The following FBXO46 variants were observed in gnomAD, a reference collection of about 807,000 sequenced individuals.
The protein encoded by FBXO46 is F-box only protein 46.
FBXO46 carries 13 observed loss-of-function variants against 30.7 expected under a neutral mutation model. That is an observed-to-expected ratio of 0.42 (90% CI 0.28 to 0.67). The LOEUF (loss-of-function observed/expected upper bound fraction) is 0.67. Ranked by LOEUF, FBXO46 falls within the 30% of genes least tolerant of loss-of-function variation. The pLI is 0.21. For missense variants in FBXO46, 754 were observed against 871.5 expected (o/e 0.87, Z 1.70); for synonymous variants, 467 against 385.8 (o/e 1.21, Z -2.47).
At chr19:45,717,276 C>T (rs956822733) in intron 1 of FBXO46, 1 of 152,172 alleles carries the variant, frequency 6.6e-6, no homozygotes, top group South Asian at 2.1e-4. Context: ...CGCAGCCCCC[C>T]CAGGCGGCGG....
chr19:45,719,673 T>C (rs1296115398), intron 1 of FBXO46, among the ~76,000 whole-genome samples: 1 of 152,210 alleles, frequency 6.6e-6, no homozygotes, highest in Non-Finnish European at 1.5e-5. Context: ...CATGGTGCAT[T>C]TGCAAAAACT....
intron 1 of FBXO46, among the ~76,000 whole-genome samples, chr19:45,721,517 T>G (rs1968170158): frequency 7.1e-6 from 1 of 140,884 alleles, no homozygotes. Flanking sequence ...TGGGAATTGG[T>G]GGCAGGACAC....
intron 1 of FBXO46, among the ~76,000 whole-genome samples, chr19:45,721,959 G>C (rs1301918832): frequency 6.6e-6 from 1 of 152,076 alleles, no homozygotes; most frequent in Admixed American, 6.6e-5. Flanking sequence ...GAGTAGCTGG[G>C]ATTATAGGCA....
At chr19:45,715,296 A>G (rs1488485048) in intron 1 of FBXO46, 1 of 152,234 alleles carries the variant, frequency 6.6e-6, no homozygotes, top group East Asian at 1.9e-4. Context: ...CAGAGAGGTC[A>G]GCAAACTATG....
intron 1 of FBXO46, among the ~76,000 whole-genome samples, chr19:45,718,841 G>A (rs1366763953): frequency 6.6e-6 from 1 of 150,640 alleles, no homozygotes; most frequent in Non-Finnish European, 1.5e-5. Flanking sequence ...TCTATTCATT[G>A]TAAAACATTG....
At chr19:45,728,462 A>G (rs951754856) in intron 1 of FBXO46, among the ~76,000 whole-genome samples, 1 of 152,088 alleles carries the variant, frequency 6.6e-6, no homozygotes, top group African/African-American at 2.4e-5. Flanking sequence ...GTTCCACTAT[A>G]CTGCATTATC....
Position 45,712,667 on chromosome 19 carries a change from C to T in FBXO46, c.829G>A (p.Gly277Ser), listed in dbSNP as rs1428350605. 2 of 1,612,356 alleles carry T rather than the reference C, an allele frequency of 1.2e-6. No individual in the cohort carries two copies. Among genetic ancestry groups the T allele is most frequent in the Non-Finnish European group, 1.7e-6 (2 of 1,179,212 alleles). The part of the protein sequence containing the change: ...NGREPRAPDS[G>S]LPSGGGGRPG... ...CTGCCCCCGCCCCCACTGGGCAGGC[C>T]GCTGTCTGGTGCACGGGGCTCCCGG... The change falls in exon 2 of 2, where the codon GGC becomes AGC. Residue 277 changes from glycine to serine, a missense_variant. By Grantham distance (56) the Gly-to-Ser change is moderately conservative. Transcript: ENST00000317683. The surrounding 1 kb of genome is among the most constrained non-coding windows in gnomAD (Gnocchi z 8.8).
At chr19:45,720,234 C>T (rs146039304) in intron 1 of FBXO46, among the ~76,000 whole-genome samples, 1,934 of 152,156 alleles carry the variant, frequency 0.013, 20 homozygotes, top group South Asian at 0.023. Context: ...CCGGTTCAAG[C>T]GATTTGCTTG....
chr19:45,717,476 T>A (rs1200576197), intron 1 of FBXO46: 1 of 152,244 alleles, frequency 6.6e-6, no homozygotes, highest in Non-Finnish European at 1.5e-5. Flanking sequence ...AAGGCAGGCC[T>A]TGGCGAAGGG....
In FBXO46 at chr19:45,712,389, C is replaced by T. The variant is rs1488907221; in HGVS notation, c.1107G>A (p.Val369=). The T allele has an allele frequency of 2.5e-6, 4 of 1,606,046 alleles. No individual in the cohort carries two copies. The highest frequency in any genetic ancestry group is 3.4e-6 in the Non-Finnish European group (4 of 1,179,706). The change falls in exon 2 of 2, where the codon GTG becomes GTA. Residue 369 remains valine (V), a synonymous_variant. Coordinates refer to ENST00000317683, the MANE Select transcript of FBXO46 (RefSeq NM_001080469.2). The surrounding 1 kb of genome is among the most constrained non-coding windows in gnomAD (Gnocchi z 8.8). ...TGCACTCATCTACCACGCCCGTCAC[C>T]ACCACGTCCACGTGGAAGCCTGACG... ...CGASGFHVDV[V]VTGVVDECIF... is the part of the protein sequence containing the mutation.
At position 45,712,054 on chromosome 19, in the gene FBXO46, A is replaced by T; in HGVS notation, c.1442T>A (p.Leu481Gln). 1 of 1,611,766 alleles carries T rather than the reference A, an allele frequency of 6.2e-7. No individual in the cohort carries two copies. Among genetic ancestry groups the T allele is most frequent in the Non-Finnish European group, 8.5e-7 (1 of 1,179,328 alleles). The change falls in exon 2 of 2, where the codon CTG (leucine) becomes CAG (glutamine). Residue 481 changes from leucine to glutamine, a missense_variant. Around this residue, in one of 5 missense-constraint regions of FBXO46, gnomAD observed 162 missense variants for 258.7 expected, o/e 0.63. Coordinates refer to ENST00000317683, the MANE Select transcript of FBXO46 (RefSeq NM_001080469.2). This position sits in a 1 kb window ranked among gnomAD's most constrained non-coding sequence, Gnocchi z 8.8. ...QYMLLLPEHV[L>Q]VKIFSFLPTR... ...GGGCAGGAAGCTGAAGATCTTGACC[A>T]GCACGTGCTCGGGCAGCAGCAGCAT...
rs779543785 is a variant in FBXO46, at chr19:45,712,982, C to T, written c.514G>A (p.Val172Met). The change falls in exon 2 of 2, where the codon GTG becomes ATG. Residue 172 changes from valine (V) to methionine (M), a missense_variant. By Grantham distance (21) the Val-to-Met change is conservative. This residue lies in a region of FBXO46 where 454 missense variants were observed against 426.5 expected (regional missense o/e 1.06). Coordinates refer to ENST00000317683, the MANE Select transcript of FBXO46 (RefSeq NM_001080469.2). The surrounding 1 kb of genome is among the most constrained non-coding windows in gnomAD (Gnocchi z 8.8). ...SAGEDVDLLSVAEMVALVEQR... is the reference protein window; with the variant it reads ...SAGEDVDLLSMAEMVALVEQR... ...TCCACCAGGGCCACCATCTCGGCCACAGAGAGCAGGTCCACGTCCTCACCG... is the reference window on the plus strand; with the variant it reads ...TCCACCAGGGCCACCATCTCGGCCATAGAGAGCAGGTCCACGTCCTCACCG... 1.3e-6 allele frequency: 2 copies of T among 1,576,744 alleles called. No individual in the cohort carries two copies. The highest frequency in any genetic ancestry group is 1.7e-6 in the Non-Finnish European group (2 of 1,160,696).
chr19:45,725,470 T>C (rs1376744947), intron 1 of FBXO46, among the ~76,000 whole-genome samples: 3 of 152,086 alleles, frequency 2.0e-5, no homozygotes, highest in Non-Finnish European at 2.9e-5. Flanking sequence ...CCAGGTGCGG[T>C]GGCTCACACC....
rs924986517 is a variant in FBXO46, at chr19:45,713,019, G to C, written c.477C>G (p.Gly159=). The C allele has an allele frequency of 6.4e-7, 1 of 1,555,270 alleles. No homozygotes were observed. The highest frequency in any genetic ancestry group is 8.7e-7 in the Non-Finnish European group (1 of 1,151,998). ...CCACGTCCTCACCGGCTGAGGCGGGGCCCTCCTCAGCAGCAGGGGGGCCCT... is the reference window on the plus strand; with the variant it reads ...CCACGTCCTCACCGGCTGAGGCGGGCCCCTCCTCAGCAGCAGGGGGGCCCT... ...GREGPPAAEE[G]PASAGEDVDL... Residue 159 remains glycine, a synonymous_variant, in exon 2 of 2, where the codon GGC becomes GGG. Coordinates refer to ENST00000317683, the MANE Select transcript of FBXO46 (RefSeq NM_001080469.2). This position sits in a 1 kb window ranked among gnomAD's most constrained non-coding sequence, Gnocchi z 4.7.
intron 1 of FBXO46, chr19:45,717,501 T>C (rs1161471643): frequency 6.6e-6 from 1 of 151,738 alleles, no homozygotes; most frequent in Admixed American, 6.6e-5. Flanking sequence ...AACTTCGAAA[T>C]AGGGAGGAGT....
At chr19:45,726,531 C>T (rs1335955388) in intron 1 of FBXO46, among the ~76,000 whole-genome samples, 1 of 151,900 alleles carries the variant, frequency 6.6e-6, no homozygotes, top group Non-Finnish European at 1.5e-5. Context: ...ACCTGTAATC[C>T]CAGCTACTTG....
At position 45,711,468 on chromosome 19, in the gene FBXO46, G is replaced by T. The variant is rs1297654426; in HGVS notation, c.*216C>A. ...AAAAAAAAAAAAAACACCCTTCTCA[G>T]AGGGTCCACGGCCCTGGTTCTGAAG... On this transcript the variant is annotated 3_prime_UTR_variant, in exon 2 of 2. Coordinates refer to ENST00000317683, the MANE Select transcript of FBXO46 (RefSeq NM_001080469.2). 2 of 692,182 alleles carry T rather than the reference G, an allele frequency of 2.9e-6. No homozygotes were observed. The highest frequency in any genetic ancestry group is 5.3e-6 in the Non-Finnish European group (2 of 379,918). 42.9% of individuals were successfully genotyped at this position (692,182 alleles called of 1,614,324 possible). A position where few individuals can be genotyped will look rare whatever the true frequency, so the allele number is the denominator to read the frequency against.
Position 45,712,000 on chromosome 19 carries a change from G to A in FBXO46, c.1496C>T (p.Thr499Ile). 2 of 1,612,746 alleles carry A rather than the reference G, an allele frequency of 1.2e-6. No individual in the cohort carries two copies. Among genetic ancestry groups the A allele is most frequent in the Non-Finnish European group, 8.5e-7 (1 of 1,179,704 alleles). The change falls in exon 2 of 2, where the codon ACC becomes ATC. Residue 499 changes from threonine to isoleucine, a missense_variant. Transcript: ENST00000317683. The stretch of plus-strand genomic sequence containing the variant: ...GATGATGCCCTTGAAGTGGTGGCAG[G>A]TGCACTTGAGGGCGGCCAGCGCGCG... Reference protein sequence around the residue: ...PTRALAALKCTCHHFKGIIEA... With the variant: ...PTRALAALKCICHHFKGIIEA...
In FBXO46 at chr19:45,712,663, A is replaced by C; in HGVS notation, c.833T>G (p.Leu278Arg). ...AGGCCTGCCCCCGCCCCCACTGGGC[A>C]GGCCGCTGTCTGGTGCACGGGGCTC... ...GREPRAPDSG[L>R]PSGGGGRPGC... Residue 278 changes from leucine to arginine, a missense_variant, in exon 2 of 2, where the codon CTG becomes CGG. Physicochemically the swap from Leu to Arg is moderately radical, Grantham distance 102. Around this residue, in one of 5 missense-constraint regions of FBXO46, gnomAD observed 454 missense variants for 426.5 expected, o/e 1.06. Coordinates refer to ENST00000317683, the MANE Select transcript of FBXO46 (RefSeq NM_001080469.2). This position sits in a 1 kb window ranked among gnomAD's most constrained non-coding sequence, Gnocchi z 8.8. 1 of 1,612,134 alleles carries C rather than the reference A, an allele frequency of 6.2e-7. No homozygotes were observed. The highest frequency in any genetic ancestry group is 8.5e-7 in the Non-Finnish European group (1 of 1,179,104).
Sources: gnomAD v4.1 joint callset for allele counts (sites outside exome capture counted in the v4.1 genomes callset) on GRCh38, gnomAD v4.1.1 for gene constraint, gnomAD v4.1.1 regional missense constraint, Gnocchi (gnomAD v3.1) non-coding constraint, MANE v1.5 for transcripts, NCBI Gene and HGNC (gene_info 2026-07-23, HGNC 2026-07-21) for gene names.